The following GRIN2B variants were observed in gnomAD, a reference collection of about 807,000 sequenced individuals.
The protein encoded by GRIN2B is glutamate receptor ionotropic, NMDA 2B.
Under a neutral mutation model 114.5 loss-of-function variants are expected in GRIN2B, and 5 were observed. That is an observed-to-expected ratio of 0.04 (90% CI 0.02 to 0.09). GRIN2B has a LOEUF of 0.09. Among genes scored for constraint, GRIN2B ranks in the 10% least tolerant of loss-of-function variants. GRIN2B has a pLI of 1.00. For missense variants in GRIN2B, 1,108 were observed against 1,943.5 expected, an observed-to-expected ratio of 0.57 and a Z score of 8.08; for synonymous variants, 787 against 745.1, an observed-to-expected ratio of 1.06 and a Z score of -0.92.
At chr12:13,624,024 G>A (rs182260366) in intron 5 of GRIN2B, among the ~76,000 whole-genome samples, 10 of 152,104 alleles carry the variant, frequency 6.6e-5, no homozygotes, top group African/African-American at 2.4e-4. Flanking sequence ...ATTCTCCTTG[G>A]CCCTTCTCAG....
At chr12:13,676,344 A>G (rs1950073866) in intron 4 of GRIN2B, among the ~76,000 whole-genome samples, 1 of 151,850 alleles carries the variant, frequency 6.6e-6, no homozygotes. Flanking sequence ...CCCAGAACTT[A>G]AAATTAAAAA....
At chr12:13,892,270 G>A (rs1336009200) in intron 2 of GRIN2B, among the ~76,000 whole-genome samples, 1 of 152,026 alleles carries the variant, frequency 6.6e-6, no homozygotes, top group Admixed American at 6.6e-5. Context: ...TGACAGAAGG[G>A]AAGAAAAAAA....
At chr12:13,838,832 G>A (rs535901380) in intron 3 of GRIN2B, among the ~76,000 whole-genome samples, 1 of 152,142 alleles carries the variant, frequency 6.6e-6, no homozygotes, top group Non-Finnish European at 1.5e-5. Context: ...CTACCAGCTT[G>A]CTCCCAGTGC....
intron 4 of GRIN2B, among the ~76,000 whole-genome samples, chr12:13,717,209 A>G (rs1950463595): frequency 6.6e-6 from 1 of 151,572 alleles, no homozygotes; most frequent in African/African-American, 2.4e-5. Context: ...AATAGCTACT[A>G]AGTGGTTATG....
chr12:13,562,628 A>G lies in GRIN2B; in HGVS notation c.*155T>C. On this transcript the variant is annotated 3_prime_UTR_variant, in exon 14 of 14. Coordinates refer to ENST00000609686, the MANE Select transcript of GRIN2B (RefSeq NM_000834.5). ...GGTGCTGGTCACCAGGGTTGCCCCC[A>G]GTAGGAACCAGAACTCCAGGATCCC... is the stretch of plus-strand genomic sequence containing the variant. The G allele has an allele frequency of 1.4e-6, 1 of 701,446 alleles. No individual in the cohort carries two copies. Among genetic ancestry groups the G allele is most frequent in the South Asian group, 1.7e-5 (1 of 60,228 alleles). The allele number at this position is 701,446 out of a possible 1,614,324, so 43.5% of individuals were successfully genotyped here. A position where few individuals can be genotyped will look rare whatever the true frequency, so the allele number is the denominator to read the frequency against.
At chr12:13,837,104 C>T (rs1410221239) in intron 3 of GRIN2B, among the ~76,000 whole-genome samples, 1 of 152,156 alleles carries the variant, frequency 6.6e-6, no homozygotes, top group African/African-American at 2.4e-5. Context: ...TGAAACTTTC[C>T]ATTCCATAAA....
chr12:13,735,515 T>C lies in GRIN2B; in HGVS notation c.1010+17802A>G, dbSNP rs1863162150. 2.0e-5 allele frequency among the ~76,000 whole-genome samples: 3 copies of C among 152,190 alleles called. No homozygotes were observed. The South Asian group carries it at 6.2e-4, about 32-fold the overall frequency. ...TCAACCTCCTTTTCCCTGAATTAAA[T>C]TCATAAAAGCAGGGTTTTCATTGTC... is the stretch of plus-strand genomic sequence containing the variant. On this transcript the variant is annotated intron_variant, in intron 4 of 13. Coordinates refer to ENST00000609686, the MANE Select transcript of GRIN2B (RefSeq NM_000834.5).
At chr12:13,910,040 A>C (rs551199057) in intron 2 of GRIN2B, among the ~76,000 whole-genome samples, 2 of 152,226 alleles carry the variant, frequency 1.3e-5, no homozygotes, top group African/African-American at 2.4e-5. Context: ...GGGCTTGACT[A>C]TGTTCAAAAG....
intron 2 of GRIN2B, among the ~76,000 whole-genome samples, chr12:13,956,894 A>C (rs1216617049): frequency 1.3e-5 from 2 of 152,178 alleles, no homozygotes; most frequent in Non-Finnish European, 2.9e-5. Flanking sequence ...AAGACTCTGA[A>C]TTTCTAAGGA....
chr12:13,697,865 G>A (rs1242300788), intron 4 of GRIN2B, among the ~76,000 whole-genome samples: 1 of 152,196 alleles, frequency 6.6e-6, no homozygotes, highest in Non-Finnish European at 1.5e-5. Flanking sequence ...AGCAGAGAAT[G>A]TTGATCCTGA....
intron 2 of GRIN2B, among the ~76,000 whole-genome samples, chr12:13,926,394 C>G (rs188752507): frequency 6.6e-6 from 1 of 152,288 alleles, no homozygotes; most frequent in East Asian, 1.9e-4. Context: ...CACACCTAAA[C>G]AATGTGCATT....
chr12:13,734,312 C>G (rs1863144688), intron 4 of GRIN2B, among the ~76,000 whole-genome samples: 1 of 152,146 alleles, frequency 6.6e-6, no homozygotes, highest in Non-Finnish European at 1.5e-5. Context: ...GAAAGGATGA[C>G]TTAACTTAGG....
intron 3 of GRIN2B, among the ~76,000 whole-genome samples, chr12:13,792,865 G>T (rs1864344268): frequency 6.6e-6 from 1 of 152,222 alleles, no homozygotes; most frequent in Non-Finnish European, 1.5e-5. Flanking sequence ...AACTGTCTGT[G>T]AATCTGTAAT....
At chr12:13,925,737 C>T (rs1418994468) in intron 2 of GRIN2B, among the ~76,000 whole-genome samples, 1 of 152,088 alleles carries the variant, frequency 6.6e-6, no homozygotes, top group African/African-American at 2.4e-5. Context: ...TCAAGCATTT[C>T]AAAGCTATTG....
chr12:13,607,151 A>AATAT (rs202176683), intron 10 of GRIN2B, among the ~76,000 whole-genome samples: 1 of 124,910 alleles, frequency 8.0e-6, no homozygotes, highest in Non-Finnish European at 1.6e-5. Flanking sequence ...ACTCAAAAAA[A>AATAT]ATATATATAT....
At chr12:13,668,420 G>A (rs547491565) in intron 5 of GRIN2B, among the ~76,000 whole-genome samples, 2 of 152,200 alleles carry the variant, frequency 1.3e-5, no homozygotes, top group African/African-American at 4.8e-5. Flanking sequence ...ATTTTGGACT[G>A]AGCCTACAGC....
Position 13,545,307 on chromosome 12 carries a change from T to G in GRIN2B, c.*17476A>C, listed in dbSNP as rs984539381. The G allele has an allele frequency of 2.0e-5, 3 of 152,248 alleles. No individual in the cohort carries two copies. Among genetic ancestry groups the G allele is most frequent in the African/African-American group, 7.2e-5 (3 of 41,452 alleles). 9.4% of individuals were successfully genotyped at this position (152,248 alleles called of 1,614,324 possible). Reference sequence around the variant, plus strand: ...TGCCTCATTTTTCTGCATGACACTTTGCACTATCTGACATGAGATCTATTG... The same window carrying G: ...TGCCTCATTTTTCTGCATGACACTTGGCACTATCTGACATGAGATCTATTG... On this transcript the variant is annotated 3_prime_UTR_variant, in exon 14 of 14. Transcript: ENST00000609686.
At chr12:13,952,027 G>A (rs117483880) in intron 2 of GRIN2B, among the ~76,000 whole-genome samples, 2,265 of 152,192 alleles carry the variant, frequency 0.015, 33 homozygotes, top group South Asian at 0.053. Flanking sequence ...TGTATATATA[G>A]CAGTAAGAGA....
intron 3 of GRIN2B, among the ~76,000 whole-genome samples, chr12:13,772,813 C>T (rs1863930278): frequency 6.6e-6 from 1 of 152,096 alleles, no homozygotes; most frequent in South Asian, 2.1e-4. Flanking sequence ...TTCTAAATAT[C>T]TTCACAGGAC....
Sources: gnomAD v4.1 joint callset for allele counts (sites outside exome capture counted in the v4.1 genomes callset) on GRCh38, gnomAD v4.1.1 for gene constraint, MANE v1.5 for transcripts, NCBI Gene and HGNC (gene_info 2026-07-23, HGNC 2026-07-21) for gene names.